CLYBL: variants seen among roughly 807,000 people sequenced by gnomAD.
CLYBL encodes citramalyl-CoA lyase.
A neutral mutation model predicts 38.9 loss-of-function variants in CLYBL; 31 were observed. The ratio of observed to expected loss-of-function variants is 0.80; its 90% CI spans 0.60 to 1.08. CLYBL has a LOEUF of 1.08. Ranked by LOEUF, CLYBL falls within the 50% of genes least tolerant of loss-of-function variation. The pLI is 0.00. For missense variants in CLYBL, 434 were observed against 411.6 expected (o/e 1.05, Z -0.47); for synonymous variants, 171 against 158.6 (o/e 1.08, Z -0.59).
chr13:99,699,040 T>C (rs1369161052), intron 1 of CLYBL, among the ~76,000 whole-genome samples: 30 of 152,184 alleles, frequency 2.0e-4, no homozygotes, highest in Admixed American at 2.0e-3. Context: ...GTAAGATTTT[T>C]TTTTTCCCTT....
chr13:99,687,446 A>T (rs576553270), intron 1 of CLYBL, among the ~76,000 whole-genome samples: 1 of 152,276 alleles, frequency 6.6e-6, no homozygotes, highest in Non-Finnish European at 1.5e-5. Context: ...GACAGAAGGG[A>T]CCCATAGCTA....
intron 1 of CLYBL, among the ~76,000 whole-genome samples, chr13:99,618,578 C>A (rs2046749081): frequency 6.6e-6 from 1 of 152,130 alleles, no homozygotes; most frequent in African/African-American, 2.4e-5. Context: ...CCCATTTTAA[C>A]CATCTTTAAG....
chr13:99,846,826 G>A (rs1156921968), intron 2 of CLYBL, among the ~76,000 whole-genome samples: 1 of 152,212 alleles, frequency 6.6e-6, no homozygotes. Context: ...CAGTTGGCAT[G>A]CAGACAGGAG....
intron 1 of CLYBL, among the ~76,000 whole-genome samples, chr13:99,662,710 G>C (rs936561408): frequency 6.6e-6 from 1 of 152,070 alleles, no homozygotes; most frequent in African/African-American, 2.4e-5. Flanking sequence ...AATTTATAAA[G>C]TGTGGCATAT....
intron 2 of CLYBL, among the ~76,000 whole-genome samples, chr13:99,844,738 C>T (rs1282621166): frequency 1.3e-5 from 2 of 152,204 alleles, no homozygotes. Flanking sequence ...AGGCTGTTCT[C>T]ATCTCGGGTC....
intron 1 of CLYBL, among the ~76,000 whole-genome samples, chr13:99,683,486 T>G (rs537199382): frequency 3.3e-5 from 5 of 152,176 alleles, no homozygotes; most frequent in African/African-American, 4.8e-5. Context: ...TCTATATGCT[T>G]TTTTATATTT....
In CLYBL at chr13:99,836,677, A is replaced by G. The variant is rs566813879; in HGVS notation, c.250-22184A>G. Among the ~76,000 whole-genome samples the G allele has an allele frequency of 7.1e-4, 108 of 152,352 alleles. 1 individual carries two copies. Among genetic ancestry groups the G allele is most frequent in the African/African-American group, 2.5e-3 (106 of 41,582 alleles). On this transcript the variant is annotated intron_variant, in intron 2 of 8. Coordinates refer to ENST00000339105, the MANE Select transcript of CLYBL (RefSeq NM_206808.5). The stretch of plus-strand genomic sequence containing the variant: ...TTTAAGCTTTTTCTATAAAAAGTAT[A>G]TATTGCTTTTATAGTCAGAAAACAA...
At chr13:99,851,003 A>G (rs184951664) in intron 2 of CLYBL, among the ~76,000 whole-genome samples, 3 of 152,332 alleles carry the variant, frequency 2.0e-5, no homozygotes. Context: ...ATTAGAGGTT[A>G]CCAGGAGCTA....
At position 99,866,508 on chromosome 13, in the gene CLYBL, A is replaced by G. The variant is rs530789871; in HGVS notation, c.802+101A>G. On this transcript the variant is annotated intron_variant, in intron 6 of 8. Coordinates refer to ENST00000339105, the MANE Select transcript of CLYBL (RefSeq NM_206808.5). ...CCCCTAATCTCATCAGATATCTCCC[A>G]TACTTACTCCACTATTTGAAATATG... 4.3e-6 allele frequency: 4 copies of G among 924,176 alleles called. No individual in the cohort carries two copies. The Admixed American group carries it at 1.2e-4, about 28-fold the overall frequency. The allele number at this position is 924,176 out of a possible 1,614,324, so 57.2% of individuals were successfully genotyped here.
At chr13:99,745,933 C>T (rs940659331) in intron 1 of CLYBL, among the ~76,000 whole-genome samples, 2 of 151,092 alleles carry the variant, frequency 1.3e-5, no homozygotes, top group African/African-American at 4.9e-5. Flanking sequence ...ATTTTGGCCT[C>T]ATTTCATTGA....
intron 1 of CLYBL, among the ~76,000 whole-genome samples, chr13:99,652,673 A>G (rs1171320252): frequency 3.3e-5 from 5 of 152,220 alleles, no homozygotes; most frequent in Non-Finnish European, 4.4e-5. Flanking sequence ...GAGGTGCGAA[A>G]GGGTCCCGAA....
intron 2 of CLYBL, among the ~76,000 whole-genome samples, chr13:99,831,043 AGAG>A (rs1315008124): frequency 3.9e-5 from 6 of 152,190 alleles, no homozygotes; most frequent in Non-Finnish European, 7.3e-5. Flanking sequence ...AGTCAGACAC[AGAG>A]GAGAAGACAG....
intron 1 of CLYBL, among the ~76,000 whole-genome samples, chr13:99,682,352 C>G (rs558199754): frequency 6.6e-6 from 1 of 152,202 alleles, no homozygotes; most frequent in East Asian, 1.9e-4. Flanking sequence ...ACATATTGGC[C>G]AGGCTGGTTT....
chr13:99,843,972 T>C (rs965402042), intron 2 of CLYBL, among the ~76,000 whole-genome samples: 4 of 152,220 alleles, frequency 2.6e-5, no homozygotes, highest in African/African-American at 2.4e-5. Context: ...TCATTACAAA[T>C]GATTGTGCGG....
At chr13:99,735,849 A>G (rs563588067) in intron 1 of CLYBL, among the ~76,000 whole-genome samples, 1 of 152,164 alleles carries the variant, frequency 6.6e-6, no homozygotes, top group Admixed American at 6.5e-5. Context: ...AGCATACTGT[A>G]TCTTAGACAG....
chr13:99,710,748 T>C (rs555610145), intron 1 of CLYBL, among the ~76,000 whole-genome samples: 1 of 152,192 alleles, frequency 6.6e-6, no homozygotes, highest in Non-Finnish European at 1.5e-5. Context: ...CTTTGTGGAA[T>C]TCTTACCCAT....
intron 2 of CLYBL, among the ~76,000 whole-genome samples, chr13:99,808,728 A>C (rs1024462524): frequency 2.0e-5 from 3 of 152,364 alleles, no homozygotes. Flanking sequence ...TTGGAGGTGG[A>C]GGACAAAGGC....
At chr13:99,901,637 A>ATTT (rs1413984777), downstream of CLYBL, among the ~76,000 whole-genome samples, 56 of 65,496 alleles carry the variant, frequency 8.6e-4, no homozygotes, top group Non-Finnish European at 1.3e-3. Context: ...GGTTTTTTGG[A>ATTT]TTTTTTTGTT....
At chr13:99,775,527 ATT>A (rs1459362234) in intron 2 of CLYBL, among the ~76,000 whole-genome samples, 1 of 151,910 alleles carries the variant, frequency 6.6e-6, no homozygotes, top group Non-Finnish European at 1.5e-5. Context: ...CATTAAAAAA[ATT>A]TTTTTTGGTC....
Sources: gnomAD v4.1 joint callset for allele counts (sites outside exome capture counted in the v4.1 genomes callset) on GRCh38, gnomAD v4.1.1 for gene constraint, MANE v1.5 for transcripts, NCBI Gene and HGNC (gene_info 2026-07-23, HGNC 2026-07-21) for gene names.